The following CDH13 variants were observed in gnomAD, a reference collection of about 807,000 sequenced individuals.
The protein encoded by CDH13 is cadherin 13, also known as cadherin-13.
A neutral mutation model predicts 63.8 loss-of-function variants in CDH13; 24 were observed. The ratio of observed to expected loss-of-function variants is 0.38; its 90% CI spans 0.27 to 0.53. The LOEUF (loss-of-function observed/expected upper bound fraction) is 0.53. Among genes scored for constraint, CDH13 ranks in the 20% least tolerant of loss-of-function variants. CDH13 has a pLI of 0.85. For missense variants in CDH13, 1,049 were observed against 903.1 expected (o/e 1.16, Z -2.07); for synonymous variants, 503 against 355.3 (o/e 1.42, Z -4.67).
intron 8 of CDH13, among the ~76,000 whole-genome samples, chr16:83,666,313 TTTAA>T (rs1230461135): frequency 6.6e-6 from 1 of 152,236 alleles, no homozygotes; most frequent in African/African-American, 2.4e-5. Context: ...AGAATGAGTA[TTTAA>T]TTAAGGAATA....
intron 1 of CDH13, among the ~76,000 whole-genome samples, chr16:82,722,825 C>T (rs2032864328): frequency 6.6e-6 from 1 of 152,140 alleles, no homozygotes; most frequent in Non-Finnish European, 1.5e-5. Context: ...AAGCCTTTTT[C>T]ACGTGAGCCC....
At chr16:82,718,264 T>A (rs1012415349) in intron 1 of CDH13, among the ~76,000 whole-genome samples, 1 of 152,214 alleles carries the variant, frequency 6.6e-6, no homozygotes, top group South Asian at 2.1e-4. Flanking sequence ...CCTGGGGTAT[T>A]TATCTACCAA....
intron 4 of CDH13, among the ~76,000 whole-genome samples, chr16:83,211,959 A>AAT (rs1178048131): frequency 6.6e-6 from 1 of 152,194 alleles, no homozygotes; most frequent in Non-Finnish European, 1.5e-5. Context: ...TACAAAGAAT[A>AAT]ATAGGAAGTT....
chr16:83,678,156 C>G, intron 9 of CDH13, 52 bp from the exon 10 acceptor site: 1 of 1,564,818 alleles, frequency 6.4e-7, no homozygotes, highest in Admixed American at 1.8e-5. Flanking sequence ...ATGCAAACCA[C>G]CTGCCTTTTG....
intron 1 of CDH13, among the ~76,000 whole-genome samples, chr16:82,796,186 C>T (rs1207976649): frequency 6.6e-6 from 1 of 152,086 alleles, no homozygotes; most frequent in African/African-American, 2.4e-5. Context: ...CAGTAAATTG[C>T]AAAGCTGGGT....
intron 1 of CDH13, among the ~76,000 whole-genome samples, chr16:82,750,817 A>C (rs1196247613): frequency 6.6e-6 from 1 of 152,142 alleles, no homozygotes; most frequent in Non-Finnish European, 1.5e-5. Flanking sequence ...AAAGACTCTG[A>C]TTTCCAATTT....
intron 1 of CDH13, among the ~76,000 whole-genome samples, chr16:82,647,899 A>T (rs1184007816): frequency 6.6e-6 from 1 of 152,084 alleles, no homozygotes; most frequent in Non-Finnish European, 1.5e-5. Flanking sequence ...CCCATGTGTC[A>T]TGGGAGGGAC....
At chr16:82,850,383 ATG>A (rs936473748) in intron 1 of CDH13, among the ~76,000 whole-genome samples, 3 of 152,210 alleles carry the variant, frequency 2.0e-5, no homozygotes, top group Non-Finnish European at 4.4e-5. Context: ...GAGCTTGAAT[ATG>A]TGTGTGAATT....
chr16:83,370,374 C>G (rs1203838011), intron 6 of CDH13, among the ~76,000 whole-genome samples: 6 of 142,842 alleles, frequency 4.2e-5, no homozygotes, highest in African/African-American at 1.6e-4. Context: ...GGTAACACAG[C>G]GAGACTCCAT....
At chr16:82,672,895 A>G (rs534483863) in intron 1 of CDH13, among the ~76,000 whole-genome samples, 64 of 148,874 alleles carry the variant, frequency 4.3e-4, no homozygotes, top group Non-Finnish European at 8.3e-4. Flanking sequence ...ACTCACTGCC[A>G]CTTCTACCTC....
At chr16:83,317,088 C>T (rs990327566) in intron 5 of CDH13, among the ~76,000 whole-genome samples, 1 of 152,178 alleles carries the variant, frequency 6.6e-6, no homozygotes, top group African/African-American at 2.4e-5. Context: ...TATTGGTATC[C>T]CATGGATGAA....
chr16:82,748,399 C>T (rs543817199), intron 1 of CDH13, among the ~76,000 whole-genome samples: 35 of 152,234 alleles, frequency 2.3e-4, no homozygotes, highest in African/African-American at 8.2e-4. Flanking sequence ...AGTTCTTAAT[C>T]GTGTGTGTGA....
At chr16:83,372,189 C>T (rs2091379615) in intron 6 of CDH13, among the ~76,000 whole-genome samples, 1 of 152,098 alleles carries the variant, frequency 6.6e-6, no homozygotes, top group Non-Finnish European at 1.5e-5. Flanking sequence ...CTGTAACATC[C>T]CCACTTTATA....
At chr16:83,250,912 G>A (rs1227912905) in intron 5 of CDH13, among the ~76,000 whole-genome samples, 1 of 152,050 alleles carries the variant, frequency 6.6e-6, no homozygotes, top group East Asian at 1.9e-4. Context: ...CAAACATGAA[G>A]TATTGAACTA....
At chr16:83,374,429 T>C (rs960734975) in intron 6 of CDH13, among the ~76,000 whole-genome samples, 1 of 152,164 alleles carries the variant, frequency 6.6e-6, no homozygotes, top group Non-Finnish European at 1.5e-5. Context: ...AGAGACCATA[T>C]TTTTTCTCTG....
chr16:83,472,206 G>A (rs2073472231), intron 6 of CDH13, among the ~76,000 whole-genome samples: 1 of 152,184 alleles, frequency 6.6e-6, no homozygotes, highest in African/African-American at 2.4e-5. Flanking sequence ...CCAGAGTGGA[G>A]CAGCTGTTCA....
chr16:83,547,369 T>C lies in CDH13; in HGVS notation c.961-55085T>C, dbSNP rs2075404737. On this transcript the variant is annotated intron_variant, in intron 7 of 13. Transcript: ENST00000567109. ...CAAATTTGTTACATAGGTAAACTCA[T>C]GCCATGGGGGTTTGGTGTACAGATT... Among the ~76,000 whole-genome samples, 2 of 152,226 alleles carry C rather than the reference T, an allele frequency of 1.3e-5. 1 individual carries two copies. The highest frequency in any genetic ancestry group is 4.1e-4 in the South Asian group (2 of 4,838).
chr16:82,727,525 A>G (rs939672911), intron 1 of CDH13: 2 of 152,134 alleles, frequency 1.3e-5, no homozygotes, highest in Non-Finnish European at 2.9e-5. Flanking sequence ...CCGCACTTAG[A>G]GTTAAGGATC....
At chr16:83,381,959 G>A (rs2091575577) in intron 6 of CDH13, among the ~76,000 whole-genome samples, 1 of 152,136 alleles carries the variant, frequency 6.6e-6, no homozygotes, top group Non-Finnish European at 1.5e-5. Flanking sequence ...CTTACCGAGG[G>A]CCTAGTTCAT....
Sources: allele counts gnomAD v4.1 joint callset (sites outside exome capture counted in the v4.1 genomes callset), GRCh38; gene constraint gnomAD v4.1.1; transcripts MANE v1.5; gene names NCBI Gene and HGNC (gene_info 2026-07-23, HGNC 2026-07-21).